Variants in NHS observed in about 807,000 individuals in gnomAD.
NHS encodes the protein actin remodeling regulator NHS.
In NHS, 5 loss-of-function variants were observed where a neutral mutation model predicts 72.5. The ratio of observed to expected loss-of-function variants is 0.07; its 90% CI spans 0.04 to 0.14. The LOEUF (loss-of-function observed/expected upper bound fraction) is 0.14. Among genes scored for constraint, NHS ranks in the 10% least tolerant of loss-of-function variants. The pLI, the probability that NHS is intolerant of heterozygous loss-of-function variation, is 1.00. For missense variants in NHS, 1,072 were observed against 1,355.7 expected, an observed-to-expected ratio of 0.79 and a Z score of 3.29; for synonymous variants, 464 against 547.7, an observed-to-expected ratio of 0.85 and a Z score of 2.13.
At chrX:17,405,472 G>A (rs1178352526) in intron 1 of NHS, among the ~76,000 whole-genome samples, 1 of 111,871 alleles carries the variant, frequency 8.9e-6, no homozygotes, top group East Asian at 2.8e-4. Context: ...TAATCATCAG[G>A]AGGGACATGT....
intron 1 of NHS, among the ~76,000 whole-genome samples, chrX:17,597,687 G>A (rs1432551392): frequency 9.0e-6 from 1 of 110,760 alleles, no homozygotes. Flanking sequence ...TAGAGGGTGA[G>A]TTAAACTTCC....
intron 1 of NHS, among the ~76,000 whole-genome samples, chrX:17,506,087 G>C (rs750218403): frequency 1.8e-5 from 2 of 111,915 alleles, no homozygotes; most frequent in African/African-American, 6.5e-5. Flanking sequence ...ATAGAACTGA[G>C]GAATATGGAA....
In NHS at chrX:17,733,748, G is replaced by A. The variant is rs1405630237; in HGVS notation, c.*1284G>A. 5.4e-5 allele frequency: 6 copies of A among 111,814 alleles called. No individual in the cohort carries two copies. Among genetic ancestry groups the A allele is most frequent in the African/African-American group, 2.0e-4 (6 of 30,592 alleles). The allele number at this position is 111,814 out of a possible 1,213,427, so 9.2% of individuals were successfully genotyped here. ...TATACTCATTGTTAAACTGGGAATG[G>A]GGAACAGCTCTGGTTCACAATACTA... On this transcript the variant is annotated 3_prime_UTR_variant, in exon 9 of 9. Transcript: ENST00000676302.
At chrX:17,430,567 T>C (rs2146875293) in intron 1 of NHS, among the ~76,000 whole-genome samples, 1 of 110,031 alleles carries the variant, frequency 9.1e-6, no homozygotes, top group African/African-American at 3.3e-5. Flanking sequence ...TACAGTTTAG[T>C]GGTTTTTAGT....
chrX:17,668,870 T>C (rs1402180585), intron 1 of NHS, among the ~76,000 whole-genome samples: 1 of 111,076 alleles, frequency 9.0e-6, no homozygotes, highest in African/African-American at 3.3e-5. Context: ...AGAACACACT[T>C]CAGAGTTATC....
At chrX:17,507,305 C>T (rs2065063313) in intron 1 of NHS, among the ~76,000 whole-genome samples, 1 of 112,180 alleles carries the variant, frequency 8.9e-6, no homozygotes, top group Non-Finnish European at 1.9e-5. Flanking sequence ...GATGTTTTGA[C>T]ATCTGGGGTA....
Position 17,726,698 on chromosome X carries a change from C to A in NHS, c.2592C>A (p.Asn864Lys). The A allele has an allele frequency of 8.3e-7, 1 of 1,211,852 alleles. No individual in the cohort carries two copies. Among genetic ancestry groups the A allele is most frequent in the Non-Finnish European group, 1.1e-6 (1 of 895,585 alleles). The change falls in exon 7 of 9, where the codon AAC becomes AAA. Residue 864 changes from asparagine to lysine, a missense_variant. By Grantham distance (94) the Asn-to-Lys change is moderately conservative (BLOSUM62 0). Transcript: ENST00000676302. ...CATCATTGAGGAAGTCTGATGGAAACGCAGATATTTCTGAGAAGAAAGAAC... is the reference window on the plus strand; with the variant it reads ...CATCATTGAGGAAGTCTGATGGAAAAGCAGATATTTCTGAGAAGAAAGAAC... ...RSSSLRKSDG[N>K]ADISEKKEPK...
At chrX:17,489,704 G>A (rs2064982196) in intron 1 of NHS, among the ~76,000 whole-genome samples, 1 of 111,889 alleles carries the variant, frequency 8.9e-6, no homozygotes, top group African/African-American at 3.3e-5. Flanking sequence ...AGCCAGGATT[G>A]TCTCCATCTC....
intron 1 of NHS, among the ~76,000 whole-genome samples, chrX:17,484,151 C>T (rs752248195): frequency 5.3e-5 from 6 of 112,290 alleles, no homozygotes; most frequent in Non-Finnish European, 9.4e-5. Context: ...CTAATGAAAG[C>T]GTTTTTATTT....
intron 3 of NHS, among the ~76,000 whole-genome samples, chrX:17,697,995 C>T (rs1463795955): frequency 2.8e-5 from 3 of 108,465 alleles, no homozygotes; most frequent in African/African-American, 1.0e-4. Flanking sequence ...GAGAAGACAA[C>T]ACATCTTACA....
rs2066494057 is a variant in NHS at position 17,732,349 on chromosome X, G to A, written c.4841G>A (p.Arg1614His). 8.2e-7 allele frequency: 1 copy of A among 1,212,567 alleles called. No homozygotes were observed. Among genetic ancestry groups the A allele is most frequent in the South Asian group, 1.8e-5 (1 of 57,068 alleles). ...GCCCCTCCTGCAGCCAGCAGCAGCC[G>A]CTACAGTGTCCGCTGCCGGCTGTAC... is the stretch of plus-strand genomic sequence containing the variant. ...SRAPPAASSS[R>H]YSVRCRLYNT... Residue 1614 changes from arginine to histidine, a missense_variant, in exon 9 of 9, where the codon CGC becomes CAC. By Grantham distance (29) the Arg-to-His change is conservative. Coordinates refer to ENST00000676302, the MANE Select transcript of NHS (RefSeq NM_001291867.2).
At chrX:17,415,655 T>C (rs1226064574) in intron 1 of NHS, among the ~76,000 whole-genome samples, 3 of 112,087 alleles carry the variant, frequency 2.7e-5, no homozygotes. Flanking sequence ...GTCCCTTTTA[T>C]GGGAAAAACA....
At chrX:17,421,012 A>G (rs1283528338) in intron 1 of NHS, among the ~76,000 whole-genome samples, 1 of 111,198 alleles carries the variant, frequency 9.0e-6, no homozygotes, top group Non-Finnish European at 1.9e-5. Flanking sequence ...ACTAAAATGT[A>G]GGAATTCATT....
At chrX:17,596,322 C>G (rs1239171977) in intron 1 of NHS, among the ~76,000 whole-genome samples, 1 of 111,880 alleles carries the variant, frequency 8.9e-6, no homozygotes, top group Admixed American at 9.5e-5. Context: ...CATAGAGGGA[C>G]TTGGCAGCTT....
chrX:17,553,814 C>T (rs891176363), intron 1 of NHS, among the ~76,000 whole-genome samples: 6 of 111,029 alleles, frequency 5.4e-5, no homozygotes, highest in Non-Finnish European at 9.4e-5. Context: ...GCCTCAAGCT[C>T]CATTAACAAA....
At chrX:17,556,879 C>T (rs1196490998) in intron 1 of NHS, among the ~76,000 whole-genome samples, 1 of 109,794 alleles carries the variant, frequency 9.1e-6, no homozygotes, top group Admixed American at 9.8e-5. Context: ...AACAAAATAT[C>T]GTACCTTATG....
At chrX:17,480,275 A>G (rs1159537546) in intron 1 of NHS, among the ~76,000 whole-genome samples, 2 of 111,856 alleles carry the variant, frequency 1.8e-5, no homozygotes, top group African/African-American at 3.3e-5. Context: ...ATTAGAAAAA[A>G]CTATTTTAAA....
At chrX:17,513,169 G>A (rs755812759) in intron 1 of NHS, among the ~76,000 whole-genome samples, 2 of 111,951 alleles carry the variant, frequency 1.8e-5, no homozygotes, top group East Asian at 5.6e-4. Flanking sequence ...CTTCATTAGG[G>A]GAAAAAATTA....
intron 1 of NHS, among the ~76,000 whole-genome samples, chrX:17,557,653 C>T (rs951608412): frequency 9.0e-6 from 1 of 111,149 alleles, no homozygotes; most frequent in African/African-American, 3.3e-5. Context: ...TCCTCTGCTC[C>T]GGCTCTCACC....
Sources: gnomAD v4.1 joint callset for allele counts (sites outside exome capture counted in the v4.1 genomes callset) on GRCh38, gnomAD v4.1.1 for gene constraint, MANE v1.5 for transcripts, NCBI Gene and HGNC (gene_info 2026-07-23, HGNC 2026-07-21) for gene names.